RPS6KC1: variants seen among roughly 807,000 people sequenced by gnomAD.
The protein encoded by RPS6KC1 is ribosomal protein S6 kinase C1, also known as inactive ribosomal protein S6 kinase delta-1.
RPS6KC1 carries 54 observed loss-of-function variants against 103.8 expected under a neutral mutation model. That is an observed-to-expected ratio of 0.52 (90% CI 0.42 to 0.65). The LOEUF (loss-of-function observed/expected upper bound fraction) is 0.65. RPS6KC1 is among the 30% of genes least tolerant of loss of function. RPS6KC1 has a pLI of 0.00. For synonymous variants in RPS6KC1, 439 were observed against 438.7 expected, an observed-to-expected ratio of 1.00 and a Z score of -0.01; for missense variants, 1,151 against 1,253.8, an observed-to-expected ratio of 0.92 and a Z score of 1.24.
At chr1:213,653,229 C>T in the RPS6KC1 span, among the ~76,000 whole-genome samples, 29 of 152,090 alleles carry the variant, frequency 1.9e-4, no homozygotes, top group African/African-American at 5.6e-4. Context: ...GAGGTCGAGA[C>T]GGGCAGATAG....
At chr1:213,438,774 T>C in the RPS6KC1 span, among the ~76,000 whole-genome samples, 1 of 151,772 alleles carries the variant, frequency 6.6e-6, no homozygotes, top group Non-Finnish European at 1.5e-5. Context: ...GGCTCTTGTT[T>C]CTCTGGAATC....
At chr1:213,526,431 G>A in the RPS6KC1 span, among the ~76,000 whole-genome samples, 1 of 152,190 alleles carries the variant, frequency 6.6e-6, no homozygotes, top group South Asian at 2.1e-4. Context: ...TAGCATGGCT[G>A]ATGTTTCACC....
At chr1:213,780,849 C>A in the RPS6KC1 span, among the ~76,000 whole-genome samples, 3 of 152,118 alleles carry the variant, frequency 2.0e-5, no homozygotes, top group African/African-American at 7.2e-5. Context: ...CATGGTGAAA[C>A]CCATTTCTAC....
At chr1:213,155,433 C>G (rs1163789326) in intron 6 of RPS6KC1, among the ~76,000 whole-genome samples, 1 of 152,218 alleles carries the variant, frequency 6.6e-6, no homozygotes, top group Non-Finnish European at 1.5e-5. Flanking sequence ...TTTCTGACCA[C>G]TAGGATCAGT....
At chr1:213,484,579 C>T in the RPS6KC1 span, among the ~76,000 whole-genome samples, 54,195 of 152,098 alleles carry the variant, frequency 0.36, 10,174 homozygotes, top group East Asian at 0.52. Flanking sequence ...AAGTGATATC[C>T]ACCAGATACG....
the RPS6KC1 span, among the ~76,000 whole-genome samples, chr1:213,808,765 G>A: frequency 2.6e-5 from 4 of 152,208 alleles, no homozygotes; most frequent in African/African-American, 4.8e-5. Flanking sequence ...GCTTCGGCTC[G>A]CACACGGTGC....
Position 213,258,248 on chromosome 1 carries a change from G to A in RPS6KC1, c.2912-3310G>A, listed in dbSNP as rs2094699004. On this transcript the variant is annotated intron_variant, in intron 12 of 14. Transcript: ENST00000366960. ...TGGCCTCCCAAGTGCTGGGATTACA[G>A]GCATGAGCCACCGCACTGGCCCATT... Among the ~76,000 whole-genome samples, 3 of 152,136 alleles carry A rather than the reference G, an allele frequency of 2.0e-5. No individual in the cohort carries two copies. In the South Asian group the frequency reaches 6.2e-4, roughly 32 times the overall value.
At chr1:213,735,515 T>C in the RPS6KC1 span, among the ~76,000 whole-genome samples, 65 of 152,352 alleles carry the variant, frequency 4.3e-4, no homozygotes, top group Non-Finnish European at 6.3e-4. Flanking sequence ...AAAGGAACTA[T>C]GAGGTTGGCC....
At chr1:213,558,402 G>C in the RPS6KC1 span, among the ~76,000 whole-genome samples, 116 of 152,306 alleles carry the variant, frequency 7.6e-4, no homozygotes, top group African/African-American at 2.4e-3. Context: ...AGCCGATGTA[G>C]GTATCAGGAT....
At chr1:213,179,860 T>C (rs771529470) in intron 8 of RPS6KC1, among the ~76,000 whole-genome samples, 3 of 152,190 alleles carry the variant, frequency 2.0e-5, no homozygotes, top group Non-Finnish European at 2.9e-5. Context: ...TGGCACATAA[T>C]GGGTGCTCAA....
the RPS6KC1 span, among the ~76,000 whole-genome samples, chr1:213,389,451 T>C: frequency 6.6e-6 from 1 of 152,350 alleles, no homozygotes; most frequent in East Asian, 1.9e-4. Context: ...GTCTGCGGGC[T>C]TGCGGCGGAT....
At chr1:213,174,704 T>C (rs561840753) in intron 7 of RPS6KC1, among the ~76,000 whole-genome samples, 1 of 151,178 alleles carries the variant, frequency 6.6e-6, no homozygotes, top group South Asian at 2.1e-4. Context: ...AGGTTATTGC[T>C]ATTACATGTC....
the RPS6KC1 span, among the ~76,000 whole-genome samples, chr1:213,607,252 G>T: frequency 6.6e-6 from 1 of 152,096 alleles, no homozygotes; most frequent in South Asian, 2.1e-4. Flanking sequence ...AGAGTGTTAG[G>T]GTGTGGCAAT....
the RPS6KC1 span, among the ~76,000 whole-genome samples, chr1:213,353,227 A>G: frequency 5.3e-5 from 8 of 152,200 alleles, no homozygotes; most frequent in Non-Finnish European, 1.2e-4. Context: ...TCCATTGAAT[A>G]TCTACTGAGT....
At chr1:213,220,904 G>T (rs562477336) in intron 8 of RPS6KC1, among the ~76,000 whole-genome samples, 96 of 152,206 alleles carry the variant, frequency 6.3e-4, no homozygotes, top group African/African-American at 2.2e-3. Flanking sequence ...TGGTAAATGT[G>T]ATCATTACCT....
chr1:213,198,692 T>G (rs2093043437), intron 8 of RPS6KC1, among the ~76,000 whole-genome samples: 2 of 152,214 alleles, frequency 1.3e-5, no homozygotes, highest in Non-Finnish European at 2.9e-5. Flanking sequence ...ACTGAATCAA[T>G]AATTAATAAC....
the RPS6KC1 span, among the ~76,000 whole-genome samples, chr1:213,606,435 T>C: frequency 6.6e-6 from 1 of 152,154 alleles, no homozygotes; most frequent in Non-Finnish European, 1.5e-5. Context: ...AGCAAACTGC[T>C]CCAAACAGGC....
chr1:213,242,906 G>GA (rs1271353562), intron 12 of RPS6KC1, among the ~76,000 whole-genome samples: 3 of 152,114 alleles, frequency 2.0e-5, no homozygotes, highest in Non-Finnish European at 4.4e-5. Context: ...ACCTCATTAA[G>GA]AACTGCAGTG....
At chr1:213,594,128 G>A in the RPS6KC1 span, among the ~76,000 whole-genome samples, 1 of 152,132 alleles carries the variant, frequency 6.6e-6, no homozygotes, top group African/African-American at 2.4e-5. Flanking sequence ...GCCTCCCAAA[G>A]TGTTGGGACT....
Sources: allele counts gnomAD v4.1 joint callset (sites outside exome capture counted in the v4.1 genomes callset), GRCh38; gene constraint gnomAD v4.1.1; transcripts MANE v1.5; gene names NCBI Gene and HGNC (gene_info 2026-07-23, HGNC 2026-07-21).